The following YARS2 variants were observed in gnomAD, a reference collection of about 807,000 sequenced individuals.
The protein encoded by YARS2 is tyrosine--tRNA ligase, mitochondrial.
YARS2 carries 38 observed loss-of-function variants against 45.0 expected under a neutral mutation model. That is an observed-to-expected ratio of 0.84 (90% CI 0.65 to 1.11). The LOEUF (loss-of-function observed/expected upper bound fraction) is 1.11, where lower values mean the gene tolerates loss of function less well. Ranked by LOEUF, YARS2 falls within the 50% of genes least tolerant of loss-of-function variation. The pLI is 0.00. For synonymous variants in YARS2, 287 were observed against 245.1 expected, an observed-to-expected ratio of 1.17 and a Z score of -1.60; for missense variants, 602 against 599.8, an observed-to-expected ratio of 1.00 and a Z score of -0.04.
chr12:32,747,164 T>A lies in YARS2; in HGVS notation c.*40A>T. 6.2e-7 allele frequency: 1 copy of A among 1,607,986 alleles called. No homozygotes were observed. The highest frequency in any genetic ancestry group is 1.1e-5 in the South Asian group (1 of 90,566). On this transcript the variant is annotated 3_prime_UTR_variant, in exon 5 of 5. Coordinates refer to ENST00000324868, the MANE Select transcript of YARS2 (RefSeq NM_001040436.3). ...ACCCTTCAGAGGTCTTGAGAATGAA[T>A]GATGGGTAAGTTTATTTGGACAACC...
In YARS2 at chr12:32,755,445, G is replaced by C. The variant is rs1955830270; in HGVS notation, c.430C>G (p.Leu144Val). ...GCCAGGGCCTCAAGCCCTAGGCGCA[G>C]AGCTCGCGCGTTGGCTCGCACGCGC... is the stretch of plus-strand genomic sequence containing the variant. Reference protein sequence around the residue: ...TERVRANARALRLGLEALAAN... With the variant: ...TERVRANARAVRLGLEALAAN... Residue 144 changes from leucine to valine, a missense_variant, in exon 1 of 5, where the codon CTG becomes GTG. By Grantham distance (32) the Leu-to-Val change is conservative. Transcript: ENST00000324868. 6.2e-7 allele frequency: 1 copy of C among 1,613,070 alleles called. No homozygotes were observed. The highest frequency in any genetic ancestry group is 8.5e-7 in the Non-Finnish European group (1 of 1,179,756).
chr12:32,752,740 CAAAA>C (rs56907654), intron 2 of YARS2: 1,831 of 194,416 alleles, frequency 9.4e-3, no homozygotes, highest in Middle Eastern at 0.015. Context: ...GACACTGCCT[CAAAA>C]AAAAAAAAAA....
Position 32,755,655 on chromosome 12 carries a change from G to T in YARS2, c.220C>A (p.Gln74Lys), listed in dbSNP as rs747993658. Reference sequence around the variant, plus strand: ...GGGTCGAAGCCACAGTAAATGGTTTGGGGAAAACTCGCCGTGCCACGGTCG... The same window carrying T: ...GGGTCGAAGCCACAGTAAATGGTTTTGGGAAAACTCGCCGTGCCACGGTCG... ...LFDRGTASFP[Q>K]TIYCGFDPTA... Residue 74 changes from glutamine to lysine, a missense_variant, in exon 1 of 5, where the codon CAA becomes AAA. Coordinates refer to ENST00000324868, the MANE Select transcript of YARS2 (RefSeq NM_001040436.3). 5 of 1,614,258 alleles carry T rather than the reference G, an allele frequency of 3.1e-6. No individual in the cohort carries two copies. The highest frequency in any genetic ancestry group is 4.2e-6 in the Non-Finnish European group (5 of 1,180,050).
At position 32,755,325 on chromosome 12, in the gene YARS2, CCACCAGGTG is replaced by C; in HGVS notation, c.541_549del (p.His181_Val183del). ...TGACCCCCCACTGCCGCCAGGAAGT[CCACCAGGTG>C]CTGCTTCTGGTACCAGGCCGAGTTG... On this transcript the variant is annotated inframe_deletion, in exon 1 of 5. Coordinates refer to ENST00000324868, the MANE Select transcript of YARS2 (RefSeq NM_001040436.3). 6.2e-7 allele frequency: 1 copy of C among 1,614,144 alleles called. No individual in the cohort carries two copies. Among genetic ancestry groups the C allele is most frequent in the Non-Finnish European group, 8.5e-7 (1 of 1,180,038 alleles).
At position 32,746,563 on chromosome 12, in the gene YARS2, C is replaced by G. The variant is rs1164331443; in HGVS notation, c.*641G>C. 1.4e-5 allele frequency: 2 copies of G among 144,384 alleles called. No individual in the cohort carries two copies. The highest frequency in any genetic ancestry group is 3.0e-5 in the Non-Finnish European group (2 of 66,688). 8.9% of individuals were successfully genotyped at this position (144,384 alleles called of 1,614,324 possible). On this transcript the variant is annotated 3_prime_UTR_variant, in exon 5 of 5. Transcript: ENST00000324868. ...TTTTTTTGAGACAGAGTTTCACTCA[C>G]TACTCATGCTGTCTCCCAGGCTGGA...
rs1017367632 is a variant in YARS2, at chr12:32,753,775, G to C, written c.947+143C>G. ...TAACTTTAGAACACAGTAAAAATTA[G>C]TCTTCTATGATGTAATGGTTTATGT... is the stretch of plus-strand genomic sequence containing the variant. On this transcript the variant is annotated intron_variant, in intron 2 of 4. Transcript: ENST00000324868. The C allele has an allele frequency of 3.0e-5, 33 of 1,093,926 alleles. No individual in the cohort carries two copies. In the African/African-American group the frequency reaches 5.2e-4, roughly 17 times the overall value. The allele number at this position is 1,093,926 out of a possible 1,614,324, so 67.8% of individuals were successfully genotyped here.
rs771643227 is a variant in YARS2, at chr12:32,753,943, T to G, written c.922A>C (p.Arg308=). Residue 308 remains arginine (R), a synonymous_variant, in exon 2 of 5, where the codon AGG becomes CGG. Transcript: ENST00000324868. ...CTTTCCACTGAATCGTCCGGTTGCC[T>G]GACAAAGAATTGATACAATTCAAAT... The part of the protein sequence containing the change: ...SPFELYQFFV[R]QPDDSVERYL... The G allele has an allele frequency of 6.8e-6, 11 of 1,614,122 alleles. No homozygotes were observed. Among genetic ancestry groups the G allele is most frequent in the Non-Finnish European group, 8.5e-6 (10 of 1,180,054 alleles).
At position 32,746,852 on chromosome 12, in the gene YARS2, A is replaced by G; in HGVS notation, c.*352T>C. 1 of 247,384 alleles carries G rather than the reference A, an allele frequency of 4.0e-6. No homozygotes were observed. Among genetic ancestry groups the G allele is most frequent in the Non-Finnish European group, 7.9e-6 (1 of 127,074 alleles). 15.3% of individuals were successfully genotyped at this position (247,384 alleles called of 1,614,324 possible). A position where few individuals can be genotyped will look rare whatever the true frequency, so the allele number is the denominator to read the frequency against. On this transcript the variant is annotated 3_prime_UTR_variant, in exon 5 of 5. Transcript: ENST00000324868. Reference sequence around the variant, plus strand: ...CATGCCCAGCCTCACAATTCCTTACACTACCTCTTTTTCATTGTTCCTCAT... The same window carrying G: ...CATGCCCAGCCTCACAATTCCTTACGCTACCTCTTTTTCATTGTTCCTCAT...
chr12:32,748,930 C>T (rs1011838123), intron 4 of YARS2, among the ~76,000 whole-genome samples: 2 of 152,226 alleles, frequency 1.3e-5, no homozygotes, highest in African/African-American at 4.8e-5. Context: ...TTTCCTTCCA[C>T]CTCACTGTTC....
chr12:32,747,419 C>T (rs1340924862), intron 4 of YARS2, 56 bp from the exon 5 acceptor site: 1 of 1,575,970 alleles, frequency 6.3e-7, no homozygotes, highest in Non-Finnish European at 8.7e-7. Context: ...TGATCTGTCC[C>T]CCAAAAAAGA....
chr12:32,753,321 TGGTCTAACTCTC>T (rs1955784429), intron 2 of YARS2, among the ~76,000 whole-genome samples: 1 of 152,208 alleles, frequency 6.6e-6, no homozygotes, highest in African/African-American at 2.4e-5. Context: ...ACTATGAATA[TGGTCTAACTCTC>T]CATTTATGTA....
chr12:32,754,126 A>G lies in YARS2; in HGVS notation c.780-41T>C, dbSNP rs1264076262. The G allele has an allele frequency of 3.1e-6, 5 of 1,611,056 alleles. No individual in the cohort carries two copies. In the African/African-American group the frequency reaches 5.3e-5, roughly 17 times the overall value. On this transcript the variant is annotated intron_variant, in intron 1 of 4. Transcript: ENST00000324868. ...AATTTCATTATGTGCCTCAAGCACA[A>G]GTGGTGGTAGGTTCTACTGTTCACC...
At chr12:32,755,050 TA>T in intron 1 of YARS2, 45 bp downstream of exon 1, 1 of 1,611,878 alleles carries the variant, frequency 6.2e-7, no homozygotes, top group Non-Finnish European at 8.5e-7. Context: ...TACTAGTGTG[TA>T]AATTATTTGG....
rs751930596 is a variant in YARS2, at chr12:32,750,890, TAA to T, written c.948-18_948-17del. ...CTTCAGGTACCTTTGAGACAAAAAA[TAA>T]AGAGTTACACTTATATAACATACCT... is the stretch of plus-strand genomic sequence containing the variant. On this transcript the variant is annotated splice_polypyrimidine_tract_variant and intron_variant, in intron 2 of 4. Transcript: ENST00000324868. The T allele has an allele frequency of 1.9e-6, 3 of 1,613,286 alleles. No homozygotes were observed. Among genetic ancestry groups the T allele is most frequent in the Middle Eastern group, 1.6e-4 (1 of 6,062 alleles).
chr12:32,755,550 T>C lies in YARS2; in HGVS notation c.325A>G (p.Ile109Val). ...GCCGTGGCGCCTCCCACCAGCGCGA[T>C]CACGTTGTGGCCCGCTCGCTGCAAA... ...FHLQRAGHNV[I>V]ALVGGATARL... The change falls in exon 1 of 5, where the codon ATC becomes GTC. Residue 109 changes from isoleucine to valine, a missense_variant. Coordinates refer to ENST00000324868, the MANE Select transcript of YARS2 (RefSeq NM_001040436.3). 6.2e-7 allele frequency: 1 copy of C among 1,613,610 alleles called. No individual in the cohort carries two copies. Among genetic ancestry groups the C allele is most frequent in the Non-Finnish European group, 8.5e-7 (1 of 1,179,848 alleles).
In YARS2 at chr12:32,747,139, A is replaced by T. The variant is rs113943213; in HGVS notation, c.*65T>A. 1.9e-6 allele frequency: 3 copies of T among 1,568,190 alleles called. No individual in the cohort carries two copies. In the East Asian group the frequency reaches 6.7e-5, roughly 35 times the overall value. On this transcript the variant is annotated 3_prime_UTR_variant, in exon 5 of 5. Coordinates refer to ENST00000324868, the MANE Select transcript of YARS2 (RefSeq NM_001040436.3). ...AGCAAAGGTCTAAGTTCTGGAGCCA[A>T]CCCTTCAGAGGTCTTGAGAATGAAT...
intron 2 of YARS2, among the ~76,000 whole-genome samples, chr12:32,752,943 T>G (rs1955776019): frequency 6.6e-6 from 1 of 152,156 alleles, no homozygotes; most frequent in Admixed American, 6.5e-5. Context: ...TATGTCAGTG[T>G]TACAATGAGC....
chr12:32,752,735 T>G (rs1955768898), intron 2 of YARS2: 1 of 262,372 alleles, frequency 3.8e-6, no homozygotes. Flanking sequence ...AGTGAGACAC[T>G]GCCTCAAAAA....
intron 2 of YARS2, among the ~76,000 whole-genome samples, chr12:32,753,567 G>C (rs545930187): frequency 6.6e-6 from 1 of 152,118 alleles, no homozygotes; most frequent in African/African-American, 2.4e-5. Flanking sequence ...GATCTTTAAA[G>C]TCATATTTGT....
Sources: gnomAD v4.1 joint callset for allele counts (sites outside exome capture counted in the v4.1 genomes callset) on GRCh38, gnomAD v4.1.1 for gene constraint, MANE v1.5 for transcripts, NCBI Gene and HGNC (gene_info 2026-07-23, HGNC 2026-07-21) for gene names.